SPHKAP: variants seen among roughly 807,000 people sequenced by gnomAD.
SPHKAP encodes A-kinase anchor protein SPHKAP.
Under a neutral mutation model 137.5 loss-of-function variants are expected in SPHKAP, and 67 were observed. The ratio of observed to expected loss-of-function variants is 0.49; its 90% CI spans 0.40 to 0.60. SPHKAP has a LOEUF of 0.60. SPHKAP is among the 20% of genes least tolerant of loss of function. SPHKAP has a pLI of 0.00. For synonymous variants in SPHKAP, 813 were observed against 785.3 expected, an observed-to-expected ratio of 1.04 and a Z score of -0.59; for missense variants, 2,097 against 2,069.3, an observed-to-expected ratio of 1.01 and a Z score of -0.26.
chr2:228,021,326 G>A (rs931949132), intron 6 of SPHKAP, among the ~76,000 whole-genome samples: 2 of 152,168 alleles, frequency 1.3e-5, no homozygotes, highest in Non-Finnish European at 2.9e-5. Context: ...GGCAGTGCTG[G>A]GATTCAAATC....
chr2:228,079,360 G>A (rs1055953846), intron 3 of SPHKAP, among the ~76,000 whole-genome samples: 1 of 152,154 alleles, frequency 6.6e-6, no homozygotes, highest in African/African-American at 2.4e-5. Flanking sequence ...CAATTGGTAT[G>A]GGTCCATGGC....
chr2:228,121,615 G>T (rs537326452), intron 2 of SPHKAP, among the ~76,000 whole-genome samples: 3 of 152,354 alleles, frequency 2.0e-5, no homozygotes, highest in Admixed American at 6.5e-5. Flanking sequence ...GATGCATGCA[G>T]ATGGGCACAT....
At chr2:228,105,184 C>T (rs965210397) in intron 3 of SPHKAP, among the ~76,000 whole-genome samples, 2 of 152,122 alleles carry the variant, frequency 1.3e-5, no homozygotes, top group Admixed American at 1.3e-4. Flanking sequence ...ACCAAAGCTG[C>T]TCTTGAACTC....
rs1329597449 is a variant in SPHKAP at position 227,980,433 on chromosome 2, A to G, written c.*1284T>C. On this transcript the variant is annotated 3_prime_UTR_variant, in exon 12 of 12. Transcript: ENST00000392056. ...TGATCTTTAAAAATAGAGTAAAAGT[A>G]TAGTTATCCAGAAGTCCTTAATAAA... 6.6e-6 allele frequency: 1 copy of G among 152,238 alleles called. No individual in the cohort carries two copies. Among genetic ancestry groups the G allele is most frequent in the Admixed American group, 6.5e-5 (1 of 15,278 alleles). The allele number at this position is 152,238 out of a possible 1,614,324, so 9.4% of individuals were successfully genotyped here.
chr2:228,127,558 C>G (rs1374516669), intron 2 of SPHKAP, among the ~76,000 whole-genome samples: 1 of 152,070 alleles, frequency 6.6e-6, no homozygotes. Context: ...AAATATATTA[C>G]CAGGAAAGGT....
chr2:228,146,151 G>T (rs1699768407), intron 1 of SPHKAP, among the ~76,000 whole-genome samples: 1 of 152,106 alleles, frequency 6.6e-6, no homozygotes, highest in South Asian at 2.1e-4. Context: ...GGAAGGTCCA[G>T]AGAGTTCCCA....
rs138111128 is a variant in SPHKAP at position 228,019,294 on chromosome 2, T to A, written c.1560A>T (p.Lys520Asn). 212 of 1,614,094 alleles carry A rather than the reference T, an allele frequency of 1.3e-4. No homozygotes were observed. In the East Asian group the frequency reaches 4.4e-3, roughly 34 times the overall value. ...ISSPQATERL[K>N]MEQVVSNFPP... ...GAAAGTTCGAGACCACTTGCTCCATTTTGAGTCTTTCTGTGGCCTGTGGAC... is the reference window on the plus strand; with the variant it reads ...GAAAGTTCGAGACCACTTGCTCCATATTGAGTCTTTCTGTGGCCTGTGGAC... Residue 520 changes from lysine (K) to asparagine (N), a missense_variant, in exon 7 of 12, where the codon AAA (lysine) becomes AAT (asparagine). Transcript: ENST00000392056.
chr2:228,031,638 T>A (rs550820413), intron 3 of SPHKAP, among the ~76,000 whole-genome samples: 22 of 152,264 alleles, frequency 1.4e-4, no homozygotes, highest in Admixed American at 1.4e-3. Flanking sequence ...GACTGACACC[T>A]CACACGGCCA....
intron 3 of SPHKAP, among the ~76,000 whole-genome samples, chr2:228,032,855 C>T (rs1020937386): frequency 1.3e-5 from 2 of 152,060 alleles, no homozygotes; most frequent in African/African-American, 4.8e-5. Flanking sequence ...CCAGGCCTGC[C>T]CTACAAGAGC....
rs771601232 is a variant in SPHKAP, at chr2:227,995,504, G to A, written c.4634+5C>T. The A allele has an allele frequency of 9.3e-6, 15 of 1,614,022 alleles. No homozygotes were observed. The highest frequency in any genetic ancestry group is 1.3e-5 in the Non-Finnish European group (15 of 1,179,976). On this transcript the variant is annotated splice_donor_5th_base_variant and intron_variant, in intron 8 of 11. Transcript: ENST00000392056. ...TCCCTGGGAATTCAAGGGAAGAGCA[G>A]GTACCTCATGGATCGCTCACTGAGC...
At chr2:228,180,592 G>T (rs926634921) in intron 1 of SPHKAP, among the ~76,000 whole-genome samples, 4 of 152,158 alleles carry the variant, frequency 2.6e-5, no homozygotes, top group Admixed American at 1.3e-4. Context: ...ACGCTAAGCC[G>T]CTGCCCAGGA....
chr2:228,094,537 A>T (rs145927037), intron 3 of SPHKAP, among the ~76,000 whole-genome samples: 117 of 152,338 alleles, frequency 7.7e-4, no homozygotes, highest in African/African-American at 2.7e-3. Context: ...TATCACTAGG[A>T]TCTGACAGAT....
Position 227,987,169 on chromosome 2 carries a change from C to T in SPHKAP, c.4959+3831G>A, listed in dbSNP as rs10199582. Among the ~76,000 whole-genome samples the T allele has an allele frequency of 3.1e-3, 477 of 152,308 alleles. 8 individuals are homozygous for T. The highest frequency in any genetic ancestry group is 0.01 in the African/African-American group (427 of 41,580). On this transcript the variant is annotated intron_variant, in intron 11 of 11. Transcript: ENST00000392056. ...TGTTAAAAATGCATATTTCTAGGCTCCACTACCAGAAAGTGATCAGGTCCT... is the reference window on the plus strand; with the variant it reads ...TGTTAAAAATGCATATTTCTAGGCTTCACTACCAGAAAGTGATCAGGTCCT...
chr2:228,108,146 A>G (rs1214021442), intron 3 of SPHKAP, among the ~76,000 whole-genome samples: 1 of 152,152 alleles, frequency 6.6e-6, no homozygotes, highest in African/African-American at 2.4e-5. Flanking sequence ...CTCTTTGGAA[A>G]CACTCTCCCC....
chr2:228,018,986 G>T lies in SPHKAP; in HGVS notation c.1868C>A (p.Ala623Asp), dbSNP rs200424534. The T allele has an allele frequency of 2.5e-6, 4 of 1,614,024 alleles. No individual in the cohort carries two copies. In the East Asian group the frequency reaches 8.9e-5, roughly 36 times the overall value. The stretch of plus-strand genomic sequence containing the variant: ...ATTAGGCCTTGTTAAAACCAGAGCA[G>T]CCTCCTTGAGCAATCCCTTGGCAAT... ...EAIAKGLLKEAALVLTRPNTY... is the reference protein window; with the variant it reads ...EAIAKGLLKEDALVLTRPNTY... Residue 623 changes from alanine (A) to aspartate (D), a missense_variant, in exon 7 of 12, where the codon GCT becomes GAT. Coordinates refer to ENST00000392056, the MANE Select transcript of SPHKAP (RefSeq NM_001142644.2).
chr2:228,149,250 G>A (rs969227262), intron 1 of SPHKAP, among the ~76,000 whole-genome samples: 5 of 152,150 alleles, frequency 3.3e-5, no homozygotes, highest in African/African-American at 9.7e-5. Flanking sequence ...TGTAAGGCAT[G>A]CTCTAGTTCT....
At chr2:228,073,490 T>C (rs144506630) in intron 3 of SPHKAP, among the ~76,000 whole-genome samples, 2 of 152,324 alleles carry the variant, frequency 1.3e-5, no homozygotes, top group African/African-American at 4.8e-5. Context: ...CCTCTGATTC[T>C]GCCAGAAGTA....
At chr2:228,066,197 CAGAG>C (rs1359054053) in intron 3 of SPHKAP, among the ~76,000 whole-genome samples, 1 of 152,174 alleles carries the variant, frequency 6.6e-6, no homozygotes, top group Non-Finnish European at 1.5e-5. Flanking sequence ...GAATAAGTGT[CAGAG>C]AAGCCCCAAA....
At chr2:228,032,284 G>GCA (rs1559358178) in intron 3 of SPHKAP, among the ~76,000 whole-genome samples, 7 of 152,272 alleles carry the variant, frequency 4.6e-5, no homozygotes, top group African/African-American at 1.4e-4. Flanking sequence ...GGGTATCATT[G>GCA]ATGGAAGATG....
Sources: gnomAD v4.1 joint callset for allele counts (sites outside exome capture counted in the v4.1 genomes callset) on GRCh38, gnomAD v4.1.1 for gene constraint, MANE v1.5 for transcripts, NCBI Gene and HGNC (gene_info 2026-07-23, HGNC 2026-07-21) for gene names.